Variants in BCL2 observed in about 807,000 individuals in gnomAD.
The protein encoded by BCL2 is apoptosis regulator Bcl-2.
In BCL2, 1 loss-of-function variant was observed where a neutral mutation model predicts 14.2. The observed-to-expected ratio is 0.07, with a 90% CI of 0.02 to 0.33. The LOEUF is 0.33. BCL2 is among the 10% of genes least tolerant of loss of function. The pLI is 0.99. For synonymous variants in BCL2, 151 were observed against 137.2 expected, an observed-to-expected ratio of 1.10 and a Z score of -0.70; for missense variants, 247 against 305.9, an observed-to-expected ratio of 0.81 and a Z score of 1.44.
intron 2 of BCL2, chr18:63,313,671 T>C (rs567563833): frequency 6.6e-5 from 10 of 152,250 alleles, no homozygotes; most frequent in Admixed American, 2.0e-4. Context: ...TAGAAAAGGG[T>C]GCGGAGGTAT....
chr18:63,176,514 A>AAAC (rs778431529), intron 2 of BCL2, among the ~76,000 whole-genome samples: 31 of 152,382 alleles, frequency 2.0e-4, no homozygotes, highest in Non-Finnish European at 1.6e-4. Flanking sequence ...TGAATAAATC[A>AAAC]AACAGTGAAT....
chr18:63,170,380 T>C lies in BCL2; in HGVS notation c.586-41621A>G, dbSNP rs761478524. ...TGAGCTTGGAATGGTGCCTTGTGCA[T>C]AGTCAGTGTTCAATGTTAGCAACTC... On this transcript the variant is annotated intron_variant, in intron 2 of 2. Transcript: ENST00000333681. 2.0e-5 allele frequency among the ~76,000 whole-genome samples: 3 copies of C among 152,262 alleles called. No individual in the cohort carries two copies. In the South Asian group the frequency reaches 6.2e-4, roughly 32 times the overall value.
At chr18:63,219,955 A>G (rs1322401926) in intron 2 of BCL2, among the ~76,000 whole-genome samples, 1 of 152,206 alleles carries the variant, frequency 6.6e-6, no homozygotes, top group Non-Finnish European at 1.5e-5. Flanking sequence ...TCAGAACTCC[A>G]GAAATCGGGG....
At chr18:63,193,088 G>A (rs974695656) in intron 2 of BCL2, among the ~76,000 whole-genome samples, 7 of 152,174 alleles carry the variant, frequency 4.6e-5, no homozygotes, top group African/African-American at 1.7e-4. Context: ...AAGGTCATGT[G>A]TTATCTGAGA....
chr18:63,319,924 T>G (rs1250989997), upstream of BCL2: 2 of 167,228 alleles, frequency 1.2e-5, no homozygotes, highest in Non-Finnish European at 2.6e-5. Flanking sequence ...CTCCTCCTGG[T>G]CCTGCGCGGC....
chr18:63,237,509 A>G (rs751350887), intron 2 of BCL2, among the ~76,000 whole-genome samples: 17 of 152,184 alleles, frequency 1.1e-4, no homozygotes, highest in Admixed American at 2.6e-4. Context: ...CCTCCTCCCA[A>G]GGCATATGAT....
At chr18:63,200,997 C>T (rs962396275) in intron 2 of BCL2, among the ~76,000 whole-genome samples, 2 of 152,136 alleles carry the variant, frequency 1.3e-5, no homozygotes, top group Admixed American at 6.5e-5. Flanking sequence ...CCAGCAGGCA[C>T]GGGATGTTTG....
At chr18:63,179,367 G>A (rs1198020390) in intron 2 of BCL2, among the ~76,000 whole-genome samples, 1 of 152,208 alleles carries the variant, frequency 6.6e-6, no homozygotes, top group Non-Finnish European at 1.5e-5. Context: ...CAGATTCTCA[G>A]ACACACCGTA....
chr18:63,227,062 A>T (rs977725552), intron 2 of BCL2, among the ~76,000 whole-genome samples: 5 of 152,124 alleles, frequency 3.3e-5, no homozygotes, highest in Non-Finnish European at 7.4e-5. Flanking sequence ...ACAAAAAAAA[A>T]TTTTAAAGCA....
intron 2 of BCL2, among the ~76,000 whole-genome samples, chr18:63,276,755 T>G (rs1912164715): frequency 6.6e-6 from 1 of 152,240 alleles, no homozygotes; most frequent in African/African-American, 2.4e-5. Context: ...ACGTTTGCAG[T>G]GATCCTACAA....
At chr18:63,173,021 G>T (rs1222682162) in intron 2 of BCL2, among the ~76,000 whole-genome samples, 1 of 152,230 alleles carries the variant, frequency 6.6e-6, no homozygotes, top group East Asian at 1.9e-4. Flanking sequence ...ACTGAAAAAA[G>T]ACATCATATT....
intron 2 of BCL2, among the ~76,000 whole-genome samples, chr18:63,138,355 G>T (rs1914266778): frequency 6.6e-6 from 1 of 152,240 alleles, no homozygotes; most frequent in South Asian, 2.1e-4. Flanking sequence ...TGCTGAATGA[G>T]TCTAGAGGGT....
intron 2 of BCL2, among the ~76,000 whole-genome samples, chr18:63,266,073 C>T (rs1411710598): frequency 6.6e-6 from 1 of 152,064 alleles, no homozygotes; most frequent in Non-Finnish European, 1.5e-5. Context: ...AGGATTTTAT[C>T]CTGCAGATCA....
intron 2 of BCL2, among the ~76,000 whole-genome samples, chr18:63,233,647 C>A (rs546578228): frequency 9.7e-4 from 148 of 152,204 alleles, no homozygotes; most frequent in Non-Finnish European, 1.9e-3. Flanking sequence ...GGTGGTCATG[C>A]TGGCTCTCCT....
chr18:63,271,763 T>G (rs1301435068), intron 2 of BCL2, among the ~76,000 whole-genome samples: 1 of 152,154 alleles, frequency 6.6e-6, no homozygotes, highest in African/African-American at 2.4e-5. Context: ...CAACAAAAGG[T>G]TTTGGACATC....
In BCL2 at chr18:63,172,577, C is replaced by T. The variant is rs143238094; in HGVS notation, c.586-43818G>A. Among the ~76,000 whole-genome samples, 1,173 of 152,142 alleles carry T rather than the reference C, an allele frequency of 7.7e-3. 17 individuals are homozygous for T. The highest frequency in any genetic ancestry group is 0.027 in the African/African-American group (1,124 of 41,484). ...CGGGTGGATCACAAGGTCAGGAGAT[C>T]GAGACCATCCTAGCTAACACGGTGA... On this transcript the variant is annotated intron_variant, in intron 2 of 2. Transcript: ENST00000333681.
At chr18:63,203,069 A>G (rs2144665995) in intron 2 of BCL2, among the ~76,000 whole-genome samples, 1 of 152,342 alleles carries the variant, frequency 6.6e-6, no homozygotes, top group East Asian at 1.9e-4. Context: ...CCTTGAGCAG[A>G]ACAGCTTTGC....
chr18:63,316,802 A>G (rs775282526), intron 2 of BCL2: 1 of 152,174 alleles, frequency 6.6e-6, no homozygotes, highest in Non-Finnish European at 1.5e-5. Context: ...ACTTGCAGTA[A>G]TTTCTAGGCT....
At chr18:63,169,311 C>CTTTCTTTCTTT (rs1568222484) in intron 2 of BCL2, among the ~76,000 whole-genome samples, 508 of 33,288 alleles carry the variant, frequency 0.015, 1 homozygote, top group Non-Finnish European at 0.017. Context: ...TTTCTTTCTT[C>CTTTCTTTCTTT]CTTCCTTCCT....
Sources: allele counts gnomAD v4.1 joint callset (sites outside exome capture counted in the v4.1 genomes callset), GRCh38; gene constraint gnomAD v4.1.1; transcripts MANE v1.5; gene names NCBI Gene and HGNC (gene_info 2026-07-23, HGNC 2026-07-21).